KCNJ12: variants seen among roughly 807,000 people sequenced by gnomAD.
KCNJ12 encodes ATP-sensitive inward rectifier potassium channel 12.
Under a neutral mutation model 22.3 loss-of-function variants are expected in KCNJ12, and 2 were observed. The ratio of observed to expected loss-of-function variants is 0.09; its 90% CI spans 0.04 to 0.28. The LOEUF (loss-of-function observed/expected upper bound fraction) is 0.28. Ranked by LOEUF, KCNJ12 falls within the 10% of genes least tolerant of loss-of-function variation. KCNJ12 has a pLI of 1.00. For missense variants in KCNJ12, 155 were observed against 633.3 expected, an observed-to-expected ratio of 0.24 and a Z score of 8.11; for synonymous variants, 117 against 261.4, an observed-to-expected ratio of 0.45 and a Z score of 5.33.
intron 1 of KCNJ12, among the ~76,000 whole-genome samples, chr17:21,398,268 G>A (rs1905447156): frequency 6.6e-6 from 1 of 152,208 alleles, no homozygotes; most frequent in Non-Finnish European, 1.5e-5. Context: ...CAGGTGGACT[G>A]CACACACCCA....
chr17:21,415,266 A>T, intron 2 of KCNJ12, 21 bp from the exon 3 acceptor site: 1 of 1,548,696 alleles, frequency 6.5e-7, no homozygotes, highest in Non-Finnish European at 8.7e-7. Context: ...CCAGCCAGAC[A>T]TGCTGTCGTC....
At chr17:21,406,592 G>A (rs1905951200) in intron 1 of KCNJ12, among the ~76,000 whole-genome samples, 1 of 152,304 alleles carries the variant, frequency 6.6e-6, no homozygotes, top group East Asian at 1.9e-4. Context: ...TAGAGACCAG[G>A]CAGGCCATCC....
chr17:21,400,418 C>A (rs1905537532), intron 1 of KCNJ12, among the ~76,000 whole-genome samples: 2 of 152,430 alleles, frequency 1.3e-5, no homozygotes, highest in South Asian at 4.1e-4. Flanking sequence ...CCTCCTGTAG[C>A]CGGAATCTCC....
intron 1 of KCNJ12, among the ~76,000 whole-genome samples, chr17:21,384,766 GTTTGT>G (rs1190688591): frequency 4.0e-5 from 5 of 125,572 alleles, no homozygotes; most frequent in South Asian, 5.4e-4. Flanking sequence ...GTTGTTGTTT[GTTTGT>G]TTTTTTTTTT....
In KCNJ12 at chr17:21,383,268, A is replaced by G. The variant is rs1424295031; in HGVS notation, c.-179+6355A>G. 2.0e-5 allele frequency among the ~76,000 whole-genome samples: 3 copies of G among 152,252 alleles called. No individual in the cohort carries two copies. In the South Asian group the frequency reaches 6.2e-4, roughly 32 times the overall value. On this transcript the variant is annotated intron_variant, in intron 1 of 2. Transcript: ENST00000583088. ...CCAGGCCTGCAATTCTCCAGCACTT[A>G]AAGCAAAAATAAATCGCTGCCAGCA...
chr17:21,383,740 G>C (rs1376857134), intron 1 of KCNJ12, among the ~76,000 whole-genome samples: 25 of 152,122 alleles, frequency 1.6e-4, no homozygotes, highest in African/African-American at 6.0e-4. Context: ...TATTTGCGTG[G>C]TGAGCTTTGA....
intron 1 of KCNJ12, among the ~76,000 whole-genome samples, chr17:21,390,062 C>T (rs989777321): frequency 1.3e-5 from 2 of 152,158 alleles, no homozygotes; most frequent in Non-Finnish European, 2.9e-5. Context: ...ACTCCTGCCC[C>T]ATTCTTGGCT....
In KCNJ12 at chr17:21,383,481, A is replaced by C. The variant is rs529795133; in HGVS notation, c.-179+6568A>C. 2.0e-5 allele frequency among the ~76,000 whole-genome samples: 3 copies of C among 152,296 alleles called. No homozygotes were observed. The East Asian group carries it at 5.8e-4, about 29-fold the overall frequency. ...ATGATCACAGGGAGGGCAGAGGCAG[A>C]TGGAGACCTGGGGCTTCCAGGGGTG... On this transcript the variant is annotated intron_variant, in intron 1 of 2. Coordinates refer to ENST00000583088, the MANE Select transcript of KCNJ12 (RefSeq NM_021012.5).
At chr17:21,409,500 A>C (rs1254561412) in intron 2 of KCNJ12, among the ~76,000 whole-genome samples, 1 of 152,312 alleles carries the variant, frequency 6.6e-6, no homozygotes, top group Admixed American at 6.5e-5. Flanking sequence ...GATAAAGGGC[A>C]TGTCATTGAT....
In KCNJ12 at chr17:21,377,317, C is replaced by G. The variant is rs1904694187; in HGVS notation, c.-179+404C>G. ...CTACGCGTGACCTTCCCGGAGACCCCGCGATCGAGGTGGGGTTCGGAGGTG... is the reference window on the plus strand; with the variant it reads ...CTACGCGTGACCTTCCCGGAGACCCGGCGATCGAGGTGGGGTTCGGAGGTG... On this transcript the variant is annotated intron_variant, in intron 1 of 2. Coordinates refer to ENST00000583088, the MANE Select transcript of KCNJ12 (RefSeq NM_021012.5). 3.3e-5 allele frequency among the ~76,000 whole-genome samples: 5 copies of G among 152,074 alleles called. No individual in the cohort carries two copies. In the South Asian group the frequency reaches 6.2e-4, roughly 19 times the overall value.
chr17:21,404,367 C>T (rs1170597397), intron 1 of KCNJ12, among the ~76,000 whole-genome samples: 2 of 152,290 alleles, frequency 1.3e-5, no homozygotes, highest in East Asian at 1.9e-4. Context: ...CTAGGAAGCA[C>T]CCCTCCTGCC....
chr17:21,398,773 C>CA (rs1156892865), intron 1 of KCNJ12, among the ~76,000 whole-genome samples: 3 of 152,242 alleles, frequency 2.0e-5, no homozygotes, highest in Non-Finnish European at 4.4e-5. Flanking sequence ...ACACATGTGA[C>CA]ATGTTGCCAG....
intron 1 of KCNJ12, among the ~76,000 whole-genome samples, chr17:21,397,872 G>A (rs1905424403): frequency 6.6e-6 from 1 of 152,256 alleles, no homozygotes; most frequent in Non-Finnish European, 1.5e-5. Context: ...ACCAGGAGCA[G>A]AGCCTGGGGG....
At position 21,415,457 on chromosome 17, in the gene KCNJ12, C is replaced by G. The variant is rs374903521; in HGVS notation, c.115C>G (p.Arg39Gly). 6.2e-7 allele frequency: 1 copy of G among 1,614,056 alleles called. No homozygotes were observed. The highest frequency in any genetic ancestry group is 8.5e-7 in the Non-Finnish European group (1 of 1,180,040). ...CTTCGGCAACGGCAAGGTGCACACGCGGCGCAGGTGCCGCAACCGCTTCGT... is the reference window on the plus strand; with the variant it reads ...CTTCGGCAACGGCAAGGTGCACACGGGGCGCAGGTGCCGCAACCGCTTCGT... ...NGFGNGKVHT[R>G]RRCRNRFVKK... Residue 39 changes from arginine to glycine, a missense_variant, in exon 3 of 3, where the codon CGG becomes GGG. Transcript: ENST00000583088.
chr17:21,395,314 A>AGT (rs1905318179), intron 1 of KCNJ12, among the ~76,000 whole-genome samples: 1 of 139,670 alleles, frequency 7.2e-6, no homozygotes, highest in African/African-American at 3.2e-5. Context: ...AAAAAAAAAA[A>AGT]CGGCGCACAG....
chr17:21,383,141 A>G (rs1332814218), intron 1 of KCNJ12, among the ~76,000 whole-genome samples: 2 of 152,202 alleles, frequency 1.3e-5, no homozygotes, highest in Non-Finnish European at 2.9e-5. Flanking sequence ...GGCCGGGGGC[A>G]GGAGAGGTCA....
intron 1 of KCNJ12, among the ~76,000 whole-genome samples, chr17:21,392,159 C>T (rs535033888): frequency 2.6e-4 from 40 of 152,292 alleles, no homozygotes; most frequent in Non-Finnish European, 4.1e-4. Context: ...CCTGAGCCTT[C>T]GTGTCCCCAG....
At chr17:21,389,781 C>CAG (rs1248331042) in intron 1 of KCNJ12, among the ~76,000 whole-genome samples, 1 of 152,154 alleles carries the variant, frequency 6.6e-6, no homozygotes, top group Non-Finnish European at 1.5e-5. Flanking sequence ...GGAGCTCTTA[C>CAG]AGAGCCTTTC....
chr17:21,380,337 C>A (rs1369565904), intron 1 of KCNJ12, among the ~76,000 whole-genome samples: 2 of 152,194 alleles, frequency 1.3e-5, no homozygotes, highest in Non-Finnish European at 2.9e-5. Context: ...GCCCTGTTGC[C>A]TAGCTGTGGC....
Sources: allele counts gnomAD v4.1 joint callset (sites outside exome capture counted in the v4.1 genomes callset), GRCh38; gene constraint gnomAD v4.1.1; transcripts MANE v1.5; gene names NCBI Gene and HGNC (gene_info 2026-07-23, HGNC 2026-07-21).